Variants in CEP85L observed in about 807,000 individuals in gnomAD.
The protein encoded by CEP85L is centrosomal protein of 85 kDa-like.
CEP85L carries 60 observed loss-of-function variants against 100.3 expected under a neutral mutation model. The ratio of observed to expected loss-of-function variants is 0.60; its 90% CI spans 0.49 to 0.74. The LOEUF (loss-of-function observed/expected upper bound fraction) is 0.74, where lower values mean the gene tolerates loss of function less well. CEP85L is among the 30% of genes least tolerant of loss of function. The pLI is 0.00. For synonymous variants in CEP85L, 319 were observed against 322.7 expected, an observed-to-expected ratio of 0.99 and a Z score of 0.12; for missense variants, 973 against 936.2, an observed-to-expected ratio of 1.04 and a Z score of -0.51.
chr6:118,523,824 G>C lies in CEP85L; in HGVS notation c.1117C>G (p.Gln373Glu). ...MLKIKEGLLR[Q>E]KEIVIDRQKQ... ...CACCGATCGATTACAATTTCTTTCT[G>C]CCTTAGAAGTCCTTCTTTTATTTTC... Residue 373 changes from glutamine to glutamate, a missense_variant, in exon 4 of 13, where the codon CAG (glutamine) becomes GAG (glutamate). By Grantham distance (29) the Gln-to-Glu change is conservative. Around this residue, in one of 3 missense-constraint regions of CEP85L, gnomAD observed 890 missense variants for 844.5 expected, o/e 1.05. Transcript: ENST00000368491. 5 of 1,557,736 alleles carry C rather than the reference G, an allele frequency of 3.2e-6. No homozygotes were observed. The highest frequency in any genetic ancestry group is 4.4e-6 in the Non-Finnish European group (5 of 1,130,282).
chr6:118,497,021 T>A (rs1413683233), intron 5 of CEP85L, among the ~76,000 whole-genome samples: 1 of 152,196 alleles, frequency 6.6e-6, no homozygotes, highest in Non-Finnish European at 1.5e-5. Context: ...ATGGATCACC[T>A]ATCTCAGCTT....
chr6:118,647,156 T>C (rs541948250), intron 1 of CEP85L: 77 of 696,988 alleles, frequency 1.1e-4, no homozygotes, highest in Middle Eastern at 7.2e-4. Flanking sequence ...TATTATTAGT[T>C]GTAACCATAC....
intron 6 of CEP85L, among the ~76,000 whole-genome samples, chr6:118,487,149 T>C (rs1774242621): frequency 6.6e-6 from 1 of 152,096 alleles, no homozygotes; most frequent in Admixed American, 6.6e-5. Flanking sequence ...AATAGGTGAC[T>C]TGAAAGTGGG....
At chr6:118,559,358 T>C (rs1779094695) in intron 3 of CEP85L, 1 of 416,328 alleles carries the variant, frequency 2.4e-6, no homozygotes, top group Non-Finnish European at 4.6e-6. Context: ...CAAATTTCTA[T>C]CCCAAATCTT....
intron 2 of CEP85L, among the ~76,000 whole-genome samples, chr6:118,570,778 G>A (rs1242887440): frequency 6.6e-6 from 1 of 152,028 alleles, no homozygotes; most frequent in Non-Finnish European, 1.5e-5. Context: ...AGTTCTGAAG[G>A]CTTTAAGCTT....
At chr6:118,505,860 A>G (rs1468997536) in intron 5 of CEP85L, among the ~76,000 whole-genome samples, 3 of 152,186 alleles carry the variant, frequency 2.0e-5, no homozygotes, top group South Asian at 4.1e-4. Flanking sequence ...CAACACCAGG[A>G]GTGATCCTAA....
intron 2 of CEP85L, among the ~76,000 whole-genome samples, chr6:118,582,980 G>A (rs1348414943): frequency 2.0e-5 from 3 of 152,192 alleles, no homozygotes; most frequent in Admixed American, 6.5e-5. Flanking sequence ...AGCATTGCAC[G>A]CTTGTAAAGT....
At chr6:118,581,509 AAGT>A (rs1444162721) in intron 2 of CEP85L, among the ~76,000 whole-genome samples, 6 of 151,974 alleles carry the variant, frequency 3.9e-5, no homozygotes, top group Admixed American at 3.9e-4. Flanking sequence ...CTACTTGGGT[AAGT>A]GTGACTAGGC....
At chr6:118,518,824 G>C (rs1047290586) in intron 4 of CEP85L, among the ~76,000 whole-genome samples, 15 of 152,156 alleles carry the variant, frequency 9.9e-5, no homozygotes, top group African/African-American at 3.1e-4. Context: ...TGCGATGTTA[G>C]AGTGTCAATT....
intron 8 of CEP85L, 104 bp from the exon 9 acceptor site, chr6:118,480,617 C>T (rs1773708069): frequency 2.8e-6 from 2 of 713,928 alleles, no homozygotes; most frequent in Admixed American, 4.8e-5. Context: ...TATTATAGAC[C>T]CTAAAAATGA....
At chr6:118,641,754 G>A (rs1159860734) in intron 1 of CEP85L, among the ~76,000 whole-genome samples, 1 of 151,906 alleles carries the variant, frequency 6.6e-6, no homozygotes. Flanking sequence ...TACTAAAAAT[G>A]TAAGTATAAA....
At chr6:118,594,136 G>A (rs1416423604) in intron 2 of CEP85L, among the ~76,000 whole-genome samples, 1 of 152,162 alleles carries the variant, frequency 6.6e-6, no homozygotes, top group African/African-American at 2.4e-5. Flanking sequence ...TAGGGGAAAT[G>A]TCTAATTCAT....
chr6:118,556,459 C>T (rs1213526980), intron 3 of CEP85L, among the ~76,000 whole-genome samples: 1 of 152,160 alleles, frequency 6.6e-6, no homozygotes, highest in Admixed American at 6.5e-5. Flanking sequence ...AAGTTGAACA[C>T]TACAGAATCT....
chr6:118,626,256 A>G (rs1426367664), intron 2 of CEP85L, among the ~76,000 whole-genome samples: 1 of 152,132 alleles, frequency 6.6e-6, no homozygotes, highest in Non-Finnish European at 1.5e-5. Context: ...GGATTTGCTT[A>G]TATGTTTTCT....
intron 2 of CEP85L, among the ~76,000 whole-genome samples, chr6:118,621,787 C>CT (rs1773461160): frequency 6.6e-6 from 1 of 152,202 alleles, no homozygotes; most frequent in East Asian, 1.9e-4. Context: ...GACATTGAAA[C>CT]AGTTGCAGGG....
chr6:118,570,262 T>C (rs1309733314), intron 2 of CEP85L, among the ~76,000 whole-genome samples: 2 of 152,236 alleles, frequency 1.3e-5, no homozygotes, highest in African/African-American at 2.4e-5. Flanking sequence ...CTTGACCATA[T>C]GGTCAAACTT....
In CEP85L at chr6:118,669,588, A is replaced by G. The variant is rs1776233967; in HGVS notation, c.-27-16780T>C. Among the ~76,000 whole-genome samples, 3 of 152,016 alleles carry G rather than the reference A, an allele frequency of 2.0e-5. No individual in the cohort carries two copies. In the South Asian group the frequency reaches 6.2e-4, roughly 32 times the overall value. On this transcript the variant is annotated intron_variant, in intron 1 of 13. Coordinates refer to the CEP85L transcript ENST00000368488. ...GGGTCTATAAATATTTTCATTAGAA[A>G]TTTGCCCTCCCTCCACACACACCAG...
Position 118,687,477 on chromosome 6 carries a change from C to T in CEP85L, c.-28+22559G>A, listed in dbSNP as rs1393487033. On this transcript the variant is annotated intron_variant, in intron 1 of 13. Transcript: ENST00000368488. ...CCACCTTTAAACACGGGGCTTGCAA[C>T]TTAGCTCACACATAACCAATCAGAT... Among the ~76,000 whole-genome samples the T allele has an allele frequency of 2.0e-5, 3 of 152,182 alleles. No homozygotes were observed. In the East Asian group the frequency reaches 5.8e-4, roughly 29 times the overall value.
intron 2 of CEP85L, among the ~76,000 whole-genome samples, chr6:118,591,915 C>T (rs934862380): frequency 2.0e-5 from 3 of 151,964 alleles, no homozygotes; most frequent in Admixed American, 6.6e-5. Flanking sequence ...CATAAATTAA[C>T]GAGAATTTAG....
Sources: gnomAD v4.1 joint callset for allele counts (sites outside exome capture counted in the v4.1 genomes callset) on GRCh38, gnomAD v4.1.1 for gene constraint, gnomAD v4.1.1 regional missense constraint, MANE v1.5 for transcripts, NCBI Gene and HGNC (gene_info 2026-07-23, HGNC 2026-07-21) for gene names.